The following FBXO9 variants were observed in gnomAD, a reference collection of about 807,000 sequenced individuals.
The protein encoded by FBXO9 is F-box protein 9.
FBXO9 carries 43 observed loss-of-function variants against 63.7 expected under a neutral mutation model. That is an observed-to-expected ratio of 0.67 (90% CI 0.53 to 0.87). The LOEUF (loss-of-function observed/expected upper bound fraction) is 0.87, where lower values mean the gene tolerates loss of function less well. Ranked by LOEUF, FBXO9 falls within the 40% of genes least tolerant of loss-of-function variation. The pLI is 0.00. For missense variants in FBXO9, 442 were observed against 533.2 expected (o/e 0.83, Z 1.68); for synonymous variants, 156 against 171.7 (o/e 0.91, Z 0.72).
chr6:53,084,488 G>A (rs1490535276), intron 7 of FBXO9, among the ~76,000 whole-genome samples: 1 of 152,184 alleles, frequency 6.6e-6, no homozygotes, highest in Non-Finnish European at 1.5e-5. Flanking sequence ...GGGGGTAAAA[G>A]TCTTATGATA....
intron 2 of FBXO9, among the ~76,000 whole-genome samples, chr6:53,071,508 TA>T (rs1768915120): frequency 6.6e-6 from 1 of 152,198 alleles, no homozygotes; most frequent in Non-Finnish European, 1.5e-5. Flanking sequence ...CTGTTTATTA[TA>T]TATGGGCAGA....
chr6:53,096,847 G>A (rs964717569), intron 12 of FBXO9, among the ~76,000 whole-genome samples: 4 of 152,074 alleles, frequency 2.6e-5, no homozygotes, highest in African/African-American at 7.2e-5. Flanking sequence ...TCAAGGCTGC[G>A]GTGAGCTATG....
intron 4 of FBXO9, among the ~76,000 whole-genome samples, chr6:53,076,794 T>C (rs1212238825): frequency 1.5e-5 from 1 of 65,084 alleles, no homozygotes; most frequent in Non-Finnish European, 3.9e-5. Context: ...ACTGTATTTT[T>C]TTTTTAAATT....
intron 1 of FBXO9, among the ~76,000 whole-genome samples, chr6:53,070,652 T>C (rs1768879883): frequency 6.6e-6 from 1 of 152,108 alleles, no homozygotes; most frequent in South Asian, 2.1e-4. Flanking sequence ...AAGATGTGCA[T>C]AGGTTATATG....
intron 5 of FBXO9, 64 bp from the exon 6 acceptor site, chr6:53,080,904 A>G (rs756880964): frequency 2.8e-5 from 43 of 1,557,442 alleles, no homozygotes; most frequent in Middle Eastern, 1.7e-4. Context: ...GCTATGAAAA[A>G]TCAGTTTCTA....
chr6:53,094,065 AC>A (rs1386743165), intron 11 of FBXO9, 87 bp downstream of exon 11: 8 of 686,270 alleles, frequency 1.2e-5, no homozygotes, highest in Non-Finnish European at 9.1e-6. Flanking sequence ...AACAAAAAAA[AC>A]CCTTTCTGAT....
At chr6:53,089,077 T>C (rs1308357558) in intron 7 of FBXO9, among the ~76,000 whole-genome samples, 1 of 150,970 alleles carries the variant, frequency 6.6e-6, no homozygotes, top group Non-Finnish European at 1.5e-5. Flanking sequence ...TTGTTTGTTT[T>C]TGTTTTTTTT....
At chr6:53,078,709 A>G (rs1581815102) in intron 4 of FBXO9, 90 bp from the exon 5 acceptor site, 1 of 929,106 alleles carries the variant, frequency 1.1e-6, no homozygotes, top group Non-Finnish European at 1.7e-6. Context: ...TTGTAAAGAA[A>G]GTTACCAAAT....
At chr6:53,096,934 A>C (rs1763229090) in intron 12 of FBXO9, among the ~76,000 whole-genome samples, 2 of 152,178 alleles carry the variant, frequency 1.3e-5, no homozygotes, top group African/African-American at 4.8e-5. Flanking sequence ...CAAACCCTGA[A>C]GTAGAGCCAA....
At chr6:53,086,923 G>A (rs1220397987) in intron 7 of FBXO9, among the ~76,000 whole-genome samples, 1 of 152,046 alleles carries the variant, frequency 6.6e-6, no homozygotes, top group Admixed American at 6.5e-5. Flanking sequence ...TGGGTGTGGT[G>A]GTGCACGCCT....
chr6:53,084,936 G>C (rs1235323991), intron 7 of FBXO9, among the ~76,000 whole-genome samples: 1 of 152,128 alleles, frequency 6.6e-6, no homozygotes, highest in African/African-American at 2.4e-5. Context: ...TTTTACTCAC[G>C]ATAAGGCTGA....
intron 1 of FBXO9, among the ~76,000 whole-genome samples, chr6:53,068,867 C>G (rs1242280301): frequency 6.6e-6 from 1 of 152,122 alleles, no homozygotes; most frequent in South Asian, 2.1e-4. Flanking sequence ...CCAGCCTTGT[C>G]TCAAACTCCT....
intron 5 of FBXO9, among the ~76,000 whole-genome samples, chr6:53,079,306 T>C (rs1007590824): frequency 1.6e-4 from 24 of 152,184 alleles, no homozygotes; most frequent in African/African-American, 5.3e-4. Context: ...TTTATTACAC[T>C]AGTTTCCTTA....
intron 7 of FBXO9, among the ~76,000 whole-genome samples, chr6:53,086,930 G>A (rs545563753): frequency 6.6e-6 from 1 of 152,110 alleles, no homozygotes; most frequent in Admixed American, 6.5e-5. Context: ...GGTGGTGCAC[G>A]CCTAGCTACT....
chr6:53,067,572 G>A (rs1205016992), intron 1 of FBXO9, among the ~76,000 whole-genome samples: 1 of 152,130 alleles, frequency 6.6e-6, no homozygotes, highest in Non-Finnish European at 1.5e-5. Flanking sequence ...AGCAGGGGAA[G>A]CTCTTGAAGT....
intron 5 of FBXO9, 145 bp downstream of exon 5, chr6:53,079,043 TAA>T (rs1554185077): frequency 2.1e-6 from 1 of 474,128 alleles, no homozygotes; most frequent in African/African-American, 2.0e-5. Flanking sequence ...AGAAATTTTT[TAA>T]TTAGGGAAAT....
At chr6:53,094,850 T>C (rs886814620) in intron 11 of FBXO9, 5 of 370,172 alleles carry the variant, frequency 1.4e-5, no homozygotes, top group South Asian at 5.8e-5. Flanking sequence ...AGGTCAAAAT[T>C]GGGAATTTGG....
intron 4 of FBXO9, among the ~76,000 whole-genome samples, chr6:53,078,448 G>A (rs1373201902): frequency 6.6e-6 from 1 of 152,198 alleles, no homozygotes; most frequent in Non-Finnish European, 1.5e-5. Context: ...AACAGAGTGA[G>A]ACCTTGTCTT....
At position 53,090,501 on chromosome 6, in the gene FBXO9, A is replaced by G. The variant is rs146208465; in HGVS notation, c.654-1928A>G. Reference sequence around the variant, plus strand: ...TCCCACTGCTTAATTTGCCTAGCTTAAAAACAAAAACAAAGAAAGAAAGAA... The same window carrying G: ...TCCCACTGCTTAATTTGCCTAGCTTGAAAACAAAAACAAAGAAAGAAAGAA... On this transcript the variant is annotated intron_variant, in intron 7 of 12. Coordinates refer to ENST00000323557, the MANE Select transcript of FBXO9 (RefSeq NM_033480.3). 5.3e-5 allele frequency among the ~76,000 whole-genome samples: 8 copies of G among 152,218 alleles called. No homozygotes were observed. The East Asian group carries it at 5.8e-4, about 11-fold the overall frequency.
Sources: allele counts gnomAD v4.1 joint callset (sites outside exome capture counted in the v4.1 genomes callset), GRCh38; gene constraint gnomAD v4.1.1; transcripts MANE v1.5; gene names NCBI Gene and HGNC (gene_info 2026-07-23, HGNC 2026-07-21).